PCDHGA8: variants seen among roughly 807,000 people sequenced by gnomAD.
PCDHGA8 encodes the protein protocadherin gamma subfamily A, 8.
In PCDHGA8, 45 loss-of-function variants were observed where a neutral mutation model predicts 59.2. That is an observed-to-expected ratio of 0.76 (90% CI 0.60 to 0.98). PCDHGA8 has a LOEUF of 0.98. PCDHGA8 is among the 50% of genes least tolerant of loss of function. PCDHGA8 has a pLI of 0.00. For synonymous variants in PCDHGA8, 531 were observed against 519.0 expected, an observed-to-expected ratio of 1.02 and a Z score of -0.32; for missense variants, 1,257 against 1,196.2, an observed-to-expected ratio of 1.05 and a Z score of -0.75.
chr5:141,498,865 G>A (rs2099786522), intron 2 of PCDHGA8, among the ~76,000 whole-genome samples: 1 of 151,116 alleles, frequency 6.6e-6, no homozygotes, highest in Non-Finnish European at 1.5e-5. Flanking sequence ...CCCAGGAGGC[G>A]GAGGTTGCAG....
Position 141,489,842 on chromosome 5 carries a change from A to T in PCDHGA8, c.2425-4965A>T. ...GAGCTGGTGCTAGAGCAGCAGCTGGATCGTGAAGCCCAGGCAAGACATCAG... is the reference window on the plus strand; with the variant it reads ...GAGCTGGTGCTAGAGCAGCAGCTGGTTCGTGAAGCCCAGGCAAGACATCAG... On this transcript the variant is annotated intron_variant, in intron 1 of 3. Coordinates refer to ENST00000398604, the MANE Select transcript of PCDHGA8 (RefSeq NM_032088.2). The surrounding 1 kb of genome is among the most constrained non-coding windows in gnomAD (Gnocchi z 4.5). 6.2e-7 allele frequency: 1 copy of T among 1,614,186 alleles called. No homozygotes were observed. Among genetic ancestry groups the T allele is most frequent in the South Asian group, 1.1e-5 (1 of 91,086 alleles).
chr5:141,403,302 A>G (rs1195717654), intron 1 of PCDHGA8: 1 of 1,613,904 alleles, frequency 6.2e-7, no homozygotes, highest in East Asian at 2.2e-5. Flanking sequence ...GTGAAACTGT[A>G]CGGAATAGAA....
At chr5:141,406,083 T>C (rs539696065) in intron 1 of PCDHGA8, among the ~76,000 whole-genome samples, 2 of 151,900 alleles carry the variant, frequency 1.3e-5, no homozygotes, top group South Asian at 4.2e-4. Flanking sequence ...TTTTTTTTTT[T>C]TTTTAAGAGA....
intron 1 of PCDHGA8, chr5:141,419,357 AC>A (rs1185938270): frequency 3.7e-6 from 6 of 1,613,814 alleles, no homozygotes; most frequent in Non-Finnish European, 4.2e-6. Context: ...GGAGTCACGA[AC>A]GCTGTCGTCC....
rs771088007 is a variant in PCDHGA8 at position 141,423,000 on chromosome 5, G to T, written c.2424+27763G>T. On this transcript the variant is annotated intron_variant, in intron 1 of 3. Coordinates refer to ENST00000398604, the MANE Select transcript of PCDHGA8 (RefSeq NM_032088.2). ...CGGAACCTGGCTACCTGGTGACCAA[G>T]GTGGTTGCGGTGGACAAAGATTCAG... The T allele has an allele frequency of 2.5e-6, 4 of 1,614,116 alleles. No individual in the cohort carries two copies. The African/African-American group carries it at 5.3e-5, about 22-fold the overall frequency.
chr5:141,424,116 T>G, intron 1 of PCDHGA8: 1 of 667,648 alleles, frequency 1.5e-6, no homozygotes, highest in Non-Finnish European at 1.9e-6. Context: ...GTTCAAATTT[T>G]GATCCTGTTG....
chr5:141,417,751 C>T, intron 1 of PCDHGA8: 1 of 1,427,514 alleles, frequency 7.0e-7, no homozygotes, highest in Non-Finnish European at 9.2e-7. Flanking sequence ...AGATTGCCAG[C>T]TCCGAGACCC....
intron 1 of PCDHGA8, among the ~76,000 whole-genome samples, chr5:141,443,131 A>G (rs1042010214): frequency 7.2e-5 from 11 of 152,144 alleles, no homozygotes; most frequent in Non-Finnish European, 1.6e-4. Context: ...GATTAAGAAC[A>G]CTATCATAAG....
chr5:141,492,723 C>T (rs896613323), intron 1 of PCDHGA8, among the ~76,000 whole-genome samples: 2 of 152,268 alleles, frequency 1.3e-5, no homozygotes, highest in African/African-American at 4.8e-5. Flanking sequence ...GGCGGACAGG[C>T]AGAGCTGCCC....
Position 141,491,279 on chromosome 5 carries a change from T to G in PCDHGA8, c.2425-3528T>G. 1 of 1,614,110 alleles carries G rather than the reference T, an allele frequency of 6.2e-7. No individual in the cohort carries two copies. The highest frequency in any genetic ancestry group is 2.2e-5 in the East Asian group (1 of 44,878). ...GAGGAAATGCCCAAATCCAGTGACT[T>G]CCTCATACACCCTCCTGAGCGTTCA... On this transcript the variant is annotated intron_variant, in intron 1 of 3. Transcript: ENST00000398604. The surrounding 1 kb of genome is among the most constrained non-coding windows in gnomAD (Gnocchi z 6.9).
chr5:141,393,902 G>A lies in PCDHGA8; in HGVS notation c.1089G>A (p.Gly363=). The part of the protein sequence containing the change: ...FSPVLENSLP[G]TVIAFLSVHD... ...CAGTGTTAGAAAATTCTCTTCCCGG[G>A]ACAGTAATTGCCTTCTTGAGTGTGC... is the stretch of plus-strand genomic sequence containing the variant. The change falls in exon 1 of 4, where the codon GGG becomes GGA. Residue 363 remains glycine, a synonymous_variant. Coordinates refer to ENST00000398604, the MANE Select transcript of PCDHGA8 (RefSeq NM_032088.2). 2 of 1,613,968 alleles carry A rather than the reference G, an allele frequency of 1.2e-6. No homozygotes were observed. The highest frequency in any genetic ancestry group is 8.5e-7 in the Non-Finnish European group (1 of 1,179,882).
At chr5:141,451,484 G>A (rs2098717067) in intron 1 of PCDHGA8, among the ~76,000 whole-genome samples, 1 of 152,194 alleles carries the variant, frequency 6.6e-6, no homozygotes, top group Admixed American at 6.5e-5. Flanking sequence ...CTTGCCATGT[G>A]GACCTCCATA....
intron 2 of PCDHGA8, 79 bp downstream of exon 2, chr5:141,494,944 C>T: frequency 1.9e-6 from 3 of 1,609,850 alleles, no homozygotes; most frequent in Non-Finnish European, 2.5e-6. Context: ...TGGGGGAGGG[C>T]CCAGCATTTG....
chr5:141,430,837 C>T (rs1350348914), intron 1 of PCDHGA8: 4 of 1,559,956 alleles, frequency 2.6e-6, no homozygotes, highest in South Asian at 2.5e-5. Context: ...TGTGGGAGAC[C>T]GGATGCACCC....
intron 1 of PCDHGA8, among the ~76,000 whole-genome samples, chr5:141,396,957 T>C (rs1169025850): frequency 6.6e-6 from 1 of 152,214 alleles, no homozygotes; most frequent in East Asian, 1.9e-4. Flanking sequence ...AGAAAATCCT[T>C]ACTCTCCCTA....
chr5:141,511,049 G>A lies in PCDHGA8; in HGVS notation c.2675G>A (p.Arg892His), dbSNP rs61749029. 408 of 1,614,098 alleles carry A rather than the reference G, an allele frequency of 2.5e-4. No individual in the cohort carries two copies. Among genetic ancestry groups the A allele is most frequent in the South Asian group, 7.2e-4 (66 of 91,094 alleles). Residue 892 changes from arginine (R) to histidine (H), a missense_variant, in exon 4 of 4, where the codon CGC becomes CAC. Transcript: ENST00000398604. ...QFTLQHVPDY[R>H]QNVYIPGSNA... ...ACCCTGCAGCACGTGCCCGACTACC[G>A]CCAGAATGTCTACATCCCAGGCAGC...
At chr5:141,421,986 AG>A in intron 1 of PCDHGA8, 2 of 1,609,004 alleles carry the variant, frequency 1.2e-6, no homozygotes, top group Non-Finnish European at 1.7e-6. Flanking sequence ...TGAGTGTTCC[AG>A]AAAACATCAG....
At chr5:141,417,888 G>T (rs1406210540) in intron 1 of PCDHGA8, 1 of 1,566,768 alleles carries the variant, frequency 6.4e-7, no homozygotes, top group Middle Eastern at 1.7e-4. Context: ...CAGAGGCGCC[G>T]GGCCGGCCCG....
chr5:141,432,374 C>A lies in PCDHGA8; in HGVS notation c.2424+37137C>A. 2.5e-6 allele frequency: 4 copies of A among 1,614,240 alleles called. No individual in the cohort carries two copies. Among genetic ancestry groups the A allele is most frequent in the Non-Finnish European group, 3.4e-6 (4 of 1,180,042 alleles). On this transcript the variant is annotated intron_variant, in intron 1 of 3. Coordinates refer to ENST00000398604, the MANE Select transcript of PCDHGA8 (RefSeq NM_032088.2). This position sits in a 1 kb window ranked among gnomAD's most constrained non-coding sequence, Gnocchi z 6.0. ...GAAAGTGATGGCGCGGGACAACGGG[C>A]ACCCGCCCCTCAGCAGCAACGTGTC...
Sources: allele counts gnomAD v4.1 joint callset (sites outside exome capture counted in the v4.1 genomes callset), GRCh38; gene constraint gnomAD v4.1.1; non-coding constraint Gnocchi (gnomAD v3.1); transcripts MANE v1.5; gene names NCBI Gene and HGNC (gene_info 2026-07-23, HGNC 2026-07-21).